Variants in AKR1C2 observed in about 807,000 individuals in gnomAD.
The protein encoded by AKR1C2 is aldo-keto reductase family 1 member C2.
In AKR1C2, 27 loss-of-function variants were observed where a neutral mutation model predicts 39.8. The ratio of observed to expected loss-of-function variants is 0.68; its 90% CI spans 0.50 to 0.93. The LOEUF is 0.93. Among genes scored for constraint, AKR1C2 ranks in the 40% least tolerant of loss-of-function variants. The probability of loss-of-function intolerance (pLI) is 0.00; values close to 1 mark genes in which losing one functional copy is unlikely to be tolerated. For synonymous variants in AKR1C2, 114 were observed against 137.9 expected, an observed-to-expected ratio of 0.83 and a Z score of 1.22; for missense variants, 263 against 365.1, an observed-to-expected ratio of 0.72 and a Z score of 2.28.
intron 1 of AKR1C2, among the ~76,000 whole-genome samples, chr10:5,017,476 C>T (rs1370091577): frequency 6.6e-6 from 1 of 152,130 alleles, no homozygotes; most frequent in Non-Finnish European, 1.5e-5. Flanking sequence ...CACGATGATG[C>T]CAATCTTTTT....
chr10:4,990,191 G>C (rs191499497), intron 8 of AKR1C2, among the ~76,000 whole-genome samples, 153 bp from the exon 9 acceptor site: 9 of 152,120 alleles, frequency 5.9e-5, no homozygotes, highest in Non-Finnish European at 8.8e-5. Flanking sequence ...TTTAATGAAC[G>C]TGACTTTATC....
rs1228465445 is a variant in AKR1C2, at chr10:4,995,814, A to G, written c.622T>C (p.Ser208Pro). 17 of 1,612,392 alleles carry G rather than the reference A, an allele frequency of 1.1e-5. No individual in the cohort carries two copies. The highest frequency in any genetic ancestry group is 1.3e-5 in the Non-Finnish European group (15 of 1,179,570). Residue 208 changes from serine to proline, a missense_variant, in exon 6 of 9, where the codon TCA (serine) becomes CCA (proline). Transcript: ENST00000380753. ...TAGGCAACCAGAACAATGTCTTTTG[A>G]CTTGCAGAAATCCAGCAGTTTTCTC... is the stretch of plus-strand genomic sequence containing the variant. ...NQRKLLDFCK[S>P]KDIVLVAYSA...
intron 1 of AKR1C2, 112 bp from the exon 2 acceptor site, chr10:5,001,793 C>T (rs1837283584): frequency 4.3e-6 from 6 of 1,386,934 alleles, no homozygotes; most frequent in Non-Finnish European, 6.0e-6. Flanking sequence ...TGGATGAGCT[C>T]TGTATGTAGA....
At chr10:5,003,702 C>G (rs782641064) in intron 1 of AKR1C2, 50 bp downstream of exon 1, 4 of 1,527,844 alleles carry the variant, frequency 2.6e-6, no homozygotes, top group Non-Finnish European at 3.6e-6. Context: ...GGTCAGCTTC[C>G]ACTTACTCTA....
upstream of AKR1C2, among the ~76,000 whole-genome samples, chr10:5,004,457 G>A (rs1180297712): frequency 1.3e-5 from 2 of 152,024 alleles, no homozygotes; most frequent in African/African-American, 2.4e-5. Context: ...TTGTAATCCT[G>A]ATGTGGGTGT....
Position 4,988,754 on chromosome 10 carries a change from G to C in AKR1C2, c.*1242C>G, listed in dbSNP as rs528435684. On this transcript the variant is annotated 3_prime_UTR_variant, in exon 9 of 9. Coordinates refer to ENST00000380753, the MANE Select transcript of AKR1C2 (RefSeq NM_001393392.1). Reference sequence around the variant, plus strand: ...ACCACTGTCCTTCTCATAATGCTTTGATCATTAAGACATGAGATTATCCCA... The same window carrying C: ...ACCACTGTCCTTCTCATAATGCTTTCATCATTAAGACATGAGATTATCCCA... The C allele has an allele frequency of 7.3e-5, 11 of 150,796 alleles. No homozygotes were observed. Among genetic ancestry groups the C allele is most frequent in the Admixed American group, 4.0e-4 (6 of 15,138 alleles). 9.3% of individuals were successfully genotyped at this position (150,796 alleles called of 1,614,324 possible). A position where few individuals can be genotyped will look rare whatever the true frequency, so the allele number is the denominator to read the frequency against.
intron 1 of AKR1C2, among the ~76,000 whole-genome samples, chr10:5,012,086 A>G (rs2398176): frequency 5.5e-4 from 83 of 152,278 alleles, no homozygotes; most frequent in Non-Finnish European, 9.1e-4. Flanking sequence ...AAGGGACTAT[A>G]TCTAGAAGGG....
upstream of AKR1C2, chr10:5,006,594 TG>T (rs35454481): frequency 0.23 from 35,475 of 151,456 alleles, 4,401 homozygotes; most frequent in Middle Eastern, 0.37. Flanking sequence ...AAACTCCATC[TG>T]AAAAAAACAA....
Position 4,999,688 on chromosome 10 carries a change from T to G in AKR1C2, c.370-411A>C, listed in dbSNP as rs181251807. The G allele has an allele frequency of 9.2e-3, 1,639 of 177,526 alleles. 30 individuals carry two copies. The highest frequency in any genetic ancestry group is 0.037 in the African/African-American group (1,541 of 41,526). 11.0% of individuals were successfully genotyped at this position (177,526 alleles called of 1,614,324 possible). A position where few individuals can be genotyped will look rare whatever the true frequency, so the allele number is the denominator to read the frequency against. On this transcript the variant is annotated intron_variant, in intron 3 of 8. Coordinates refer to ENST00000380753, the MANE Select transcript of AKR1C2 (RefSeq NM_001393392.1). Reference sequence around the variant, plus strand: ...ATCTCCCTGAACATATGATGTTCCATGCACAGGACCATGAACCAATCATGG... The same window carrying G: ...ATCTCCCTGAACATATGATGTTCCAGGCACAGGACCATGAACCAATCATGG...
intron 8 of AKR1C2, among the ~76,000 whole-genome samples, chr10:4,990,404 G>C (rs1836795879): frequency 6.6e-6 from 1 of 152,074 alleles, no homozygotes; most frequent in East Asian, 1.9e-4. Flanking sequence ...GCCTTACATT[G>C]AAGAGGAATA....
upstream of AKR1C2, among the ~76,000 whole-genome samples, chr10:5,008,895 T>G (rs1231448088): frequency 6.6e-6 from 1 of 152,234 alleles, no homozygotes; most frequent in Non-Finnish European, 1.5e-5. Flanking sequence ...CCTGTTTGGT[T>G]GACTCAATTC....
chr10:4,997,917 T>C (rs1330802033), intron 5 of AKR1C2, among the ~76,000 whole-genome samples: 2 of 152,134 alleles, frequency 1.3e-5, no homozygotes, highest in Admixed American at 1.3e-4. Flanking sequence ...GAACCATGCA[T>C]AGAATAGATG....
chr10:5,007,796 G>C (rs1439752241), upstream of AKR1C2, among the ~76,000 whole-genome samples: 1 of 151,816 alleles, frequency 6.6e-6, no homozygotes, highest in African/African-American at 2.4e-5. Context: ...TCAAAAACAA[G>C]TTATTTCCTT....
In AKR1C2 at chr10:5,000,371, G is replaced by A; in HGVS notation, c.369+179C>T. Reference sequence around the variant, plus strand: ...TTCTTGTAGACATGCAATCACGGAAGTATGGATTCAAAATTGCTTTCTGTT... The same window carrying A: ...TTCTTGTAGACATGCAATCACGGAAATATGGATTCAAAATTGCTTTCTGTT... On this transcript the variant is annotated intron_variant, in intron 3 of 8. Transcript: ENST00000380753. The A allele has an allele frequency of 1.9e-6, 3 of 1,550,356 alleles. No individual in the cohort carries two copies. The South Asian group carries it at 3.6e-5, about 19-fold the overall frequency.
chr10:5,013,023 G>A (rs1554775037), intron 1 of AKR1C2, among the ~76,000 whole-genome samples: 2 of 152,052 alleles, frequency 1.3e-5, no homozygotes. Flanking sequence ...CCTCTATTCA[G>A]GCTGTTGCCT....
intron 8 of AKR1C2, among the ~76,000 whole-genome samples, chr10:4,990,399 A>G (rs527657787): frequency 1.7e-4 from 26 of 152,220 alleles, no homozygotes; most frequent in Non-Finnish European, 3.4e-4. Flanking sequence ...CTTCTGCCTT[A>G]CATTGAAGAG....
At chr10:4,993,077 G>C (rs1444532241) in intron 7 of AKR1C2, among the ~76,000 whole-genome samples, 1 of 152,280 alleles carries the variant, frequency 6.6e-6, no homozygotes, top group East Asian at 1.9e-4. Flanking sequence ...TATTGTCAAA[G>C]ATTCAGTTCT....
At chr10:4,996,141 G>A (rs1837029229) in intron 5 of AKR1C2, 3 of 379,856 alleles carry the variant, frequency 7.9e-6, no homozygotes, top group Non-Finnish European at 1.3e-5. Context: ...TCAGAGCTGG[G>A]ATGAGGTAAG....
intron 1 of AKR1C2, 87 bp from the exon 2 acceptor site, chr10:5,001,768 C>CTT: frequency 6.4e-7 from 1 of 1,560,988 alleles, no homozygotes; most frequent in Non-Finnish European, 8.8e-7. Context: ...CAAAAATCAG[C>CTT]TTTTCCTCCT....
Sources: gnomAD v4.1 joint callset for allele counts (sites outside exome capture counted in the v4.1 genomes callset) on GRCh38, gnomAD v4.1.1 for gene constraint, MANE v1.5 for transcripts, NCBI Gene and HGNC (gene_info 2026-07-23, HGNC 2026-07-21) for gene names.